The following ZNF362 variants were observed in gnomAD, a reference collection of about 807,000 sequenced individuals.
ZNF362 encodes the protein zinc finger protein 362.
In ZNF362, 11 loss-of-function variants were observed where a neutral mutation model predicts 42.9. The observed-to-expected ratio is 0.26, with a 90% CI of 0.16 to 0.42. The LOEUF (loss-of-function observed/expected upper bound fraction) is 0.42, where lower values mean the gene tolerates loss of function less well. Among genes scored for constraint, ZNF362 ranks in the 20% least tolerant of loss-of-function variants. The pLI is 1.00. For synonymous variants in ZNF362, 255 were observed against 257.3 expected, an observed-to-expected ratio of 0.99 and a Z score of 0.09; for missense variants, 362 against 576.2, an observed-to-expected ratio of 0.63 and a Z score of 3.81.
chr1:33,281,833 C>T lies in ZNF362; in HGVS notation c.908+22C>T. 2 of 1,609,268 alleles carry T rather than the reference C, an allele frequency of 1.2e-6. No homozygotes were observed. Among genetic ancestry groups the T allele is most frequent in the Middle Eastern group, 1.7e-4 (1 of 6,044 alleles). On this transcript the variant is annotated intron_variant, in intron 6 of 8. Coordinates refer to ENST00000539719, the MANE Select transcript of ZNF362 (RefSeq NM_152493.3). The surrounding 1 kb of genome is among the most constrained non-coding windows in gnomAD (Gnocchi z 4.8). ...CCAGGTGAGTGGCCTGCCTGCTGCC[C>T]TGCTGCAGCCCGACTCAGCTCAGCA...
the ZNF362 span, among the ~76,000 whole-genome samples, chr1:33,219,266 G>A: frequency 2.0e-5 from 3 of 152,294 alleles, no homozygotes; most frequent in South Asian, 2.1e-4. Context: ...GTATGATGAC[G>A]GTAAAGTGTA....
At chr1:33,136,263 TTCTC>T in the ZNF362 span, among the ~76,000 whole-genome samples, 15 of 151,272 alleles carry the variant, frequency 9.9e-5, no homozygotes, top group South Asian at 2.1e-4. Context: ...TTCTTTTTCT[TTCTC>T]TCTTTCTTTC....
At chr1:33,285,422 C>CA (rs1296653570) in intron 6 of ZNF362, among the ~76,000 whole-genome samples, 1 of 151,856 alleles carries the variant, frequency 6.6e-6, no homozygotes, top group African/African-American at 2.4e-5. Flanking sequence ...TCACCAACAA[C>CA]AAAAAAATGT....
At chr1:33,198,243 A>T in the ZNF362 span, among the ~76,000 whole-genome samples, 1 of 152,220 alleles carries the variant, frequency 6.6e-6, no homozygotes, top group African/African-American at 2.4e-5. Context: ...GTGGTGGCTC[A>T]TGCCTATAAA....
At chr1:33,129,905 G>C in the ZNF362 span, among the ~76,000 whole-genome samples, 12 of 152,108 alleles carry the variant, frequency 7.9e-5, no homozygotes. This position sits in a 1 kb window ranked among gnomAD's most constrained non-coding sequence, Gnocchi z 4.1. Flanking sequence ...TGTTGGTCAG[G>C]CTGGAGTGCA....
At chr1:33,176,225 C>T in the ZNF362 span, among the ~76,000 whole-genome samples, 1 of 152,366 alleles carries the variant, frequency 6.6e-6, no homozygotes. Flanking sequence ...TATTTAGCAA[C>T]TCTTTCTCTC....
At chr1:33,279,973 C>A in intron 4 of ZNF362, 151 bp from the exon 5 acceptor site, 1 of 821,394 alleles carries the variant, frequency 1.2e-6, no homozygotes. Context: ...AGGCATCTTA[C>A]ACATGCACAA....
At chr1:33,296,493 C>T (rs1358628919) in intron 8 of ZNF362, among the ~76,000 whole-genome samples, 2 of 152,138 alleles carry the variant, frequency 1.3e-5, no homozygotes, top group Non-Finnish European at 2.9e-5. Flanking sequence ...AAAATCACCT[C>T]AATTGAGAAC....
chr1:33,165,428 C>T, the ZNF362 span: 10 of 1,525,272 alleles, frequency 6.6e-6, no homozygotes, highest in South Asian at 2.4e-5. This position sits in a 1 kb window ranked among gnomAD's most constrained non-coding sequence, Gnocchi z 4.0. Context: ...AAGCCCTGCC[C>T]TCATCTCTGC....
At chr1:33,277,982 G>A (rs1469772363) in intron 4 of ZNF362, among the ~76,000 whole-genome samples, 1 of 152,122 alleles carries the variant, frequency 6.6e-6, no homozygotes, top group East Asian at 1.9e-4. Flanking sequence ...CTTCTCTCCT[G>A]CATTTTCCCA....
At chr1:33,214,289 C>T in the ZNF362 span, among the ~76,000 whole-genome samples, 5 of 152,130 alleles carry the variant, frequency 3.3e-5, no homozygotes, top group Non-Finnish European at 7.3e-5. Context: ...AACAGGATCT[C>T]CATATGCAGA....
the ZNF362 span, among the ~76,000 whole-genome samples, chr1:33,157,015 C>G: frequency 5.9e-5 from 9 of 151,576 alleles, no homozygotes; most frequent in Admixed American, 2.0e-4. Flanking sequence ...ACCCATTTCC[C>G]AGCCCCCATC....
intron 2 of ZNF362, 76 bp downstream of exon 2, chr1:33,270,688 T>C (rs1645896194): frequency 6.4e-7 from 1 of 1,574,332 alleles, no homozygotes; most frequent in African/African-American, 1.4e-5. Flanking sequence ...ATTGTGTTCG[T>C]CCCACCTTCC....
the ZNF362 span, among the ~76,000 whole-genome samples, chr1:33,240,302 C>T: frequency 6.1e-4 from 93 of 152,226 alleles, no homozygotes; most frequent in Admixed American, 1.1e-3. Flanking sequence ...GTGCAGGCAG[C>T]GAGTCGCGCT....
At chr1:33,243,156 ATGT>A in the ZNF362 span, among the ~76,000 whole-genome samples, 5 of 134,970 alleles carry the variant, frequency 3.7e-5, no homozygotes, top group South Asian at 2.3e-4. Context: ...ATGTTATGTT[ATGT>A]TGTTATGTTA....
the ZNF362 span, among the ~76,000 whole-genome samples, chr1:33,218,564 T>C: frequency 5.9e-5 from 9 of 152,254 alleles, no homozygotes; most frequent in African/African-American, 2.2e-4. Flanking sequence ...CAATTTGTAA[T>C]CTAACAGGTG....
the ZNF362 span, among the ~76,000 whole-genome samples, chr1:33,213,939 A>T: frequency 1.3e-5 from 2 of 152,174 alleles, no homozygotes; most frequent in African/African-American, 4.8e-5. Context: ...CTGATTTTGT[A>T]TTGGTTTGGA....
the ZNF362 span, chr1:33,141,891 T>C: frequency 6.4e-6 from 1 of 156,582 alleles, no homozygotes; most frequent in East Asian, 1.7e-4. Flanking sequence ...ATATATTCTT[T>C]TCATCAAGAT....
chr1:33,172,390 G>T, the ZNF362 span, among the ~76,000 whole-genome samples: 1 of 152,120 alleles, frequency 6.6e-6, no homozygotes, highest in Non-Finnish European at 1.5e-5. Flanking sequence ...TGTGCAGGAA[G>T]TCGGGGTGGT....
Sources: gnomAD v4.1 joint callset for allele counts (sites outside exome capture counted in the v4.1 genomes callset) on GRCh38, gnomAD v4.1.1 for gene constraint, Gnocchi (gnomAD v3.1) non-coding constraint, MANE v1.5 for transcripts, NCBI Gene and HGNC (gene_info 2026-07-23, HGNC 2026-07-21) for gene names.